SLC61A1: variants seen among roughly 807,000 people sequenced by gnomAD.
SLC61A1 encodes the protein solute carrier family 61 member 1, also known as major facilitator superfamily domain containing 5.
chr12:53,252,940 T>C, the SLC61A1 span: 1 of 1,614,182 alleles, frequency 6.2e-7, no homozygotes. Flanking sequence ...CCTGCAGCAA[T>C]CCCTCCTTCC....
chr12:53,252,868 C>T, the SLC61A1 span: 1 of 1,614,100 alleles, frequency 6.2e-7, no homozygotes. Context: ...CTTTTGTAGG[C>T]CTCCTGGCCT....
chr12:53,252,486 A>G, the SLC61A1 span: 2 of 1,305,610 alleles, frequency 1.5e-6, no homozygotes, highest in Non-Finnish European at 1.9e-6. Flanking sequence ...GACGGGAGGT[A>G]ATAGAAGGAA....
At chr12:53,252,458 A>G in the SLC61A1 span, 1 of 1,286,818 alleles carries the variant, frequency 7.8e-7, no homozygotes, top group Non-Finnish European at 9.9e-7. Context: ...TGAGGGCAAA[A>G]AGAGGCTCCG....
At chr12:53,252,689 C>T in the SLC61A1 span, 3 of 1,274,744 alleles carry the variant, frequency 2.4e-6, no homozygotes, top group African/African-American at 3.0e-5. Flanking sequence ...CAACTGGTCC[C>T]TCCGGTCTGA....
At chr12:53,252,382 T>G in the SLC61A1 span, 1 of 1,312,922 alleles carries the variant, frequency 7.6e-7, no homozygotes, top group Non-Finnish European at 9.7e-7. Context: ...TGCACACGCA[T>G]GACCCTGAAG....
the SLC61A1 span, chr12:53,252,996 C>A: frequency 6.2e-7 from 1 of 1,614,236 alleles, no homozygotes. Flanking sequence ...CTGGCCCTGG[C>A]AGCTGATTGG....
the SLC61A1 span, chr12:53,251,629 G>A: frequency 8.1e-7 from 1 of 1,232,988 alleles, no homozygotes; most frequent in Non-Finnish European, 1.1e-6. Context: ...CAGCTGGTAA[G>A]TGACAGGGGC....
At chr12:53,252,167 C>G in the SLC61A1 span, 18 of 1,430,654 alleles carry the variant, frequency 1.3e-5, no homozygotes, top group Non-Finnish European at 1.6e-5. Flanking sequence ...GGGGCGGGAG[C>G]GCTGCTGGAA....
At chr12:53,252,104 A>G in the SLC61A1 span, 1 of 1,451,702 alleles carries the variant, frequency 6.9e-7, no homozygotes, top group Non-Finnish European at 9.0e-7. Context: ...CACGTGATGA[A>G]GCCATCATGG....
chr12:53,253,824 CTT>C, the SLC61A1 span: 1 of 1,614,240 alleles, frequency 6.2e-7, no homozygotes, highest in Non-Finnish European at 8.5e-7. Flanking sequence ...TTCATGTTGA[CTT>C]TCTCTACCAG....
chr12:53,253,916 A>G, the SLC61A1 span: 3 of 1,614,214 alleles, frequency 1.9e-6, no homozygotes, highest in Non-Finnish European at 1.7e-6. Context: ...CTTTCCCAGC[A>G]TGAGCTTCCT....
the SLC61A1 span, chr12:53,253,126 C>G: frequency 2.4e-5 from 38 of 1,614,140 alleles, 2 homozygotes; most frequent in South Asian, 3.8e-4. Flanking sequence ...TGGCCTCCTC[C>G]CTTGTGGATT....
chr12:53,251,959 G>A, the SLC61A1 span: 1 of 1,536,956 alleles, frequency 6.5e-7, no homozygotes, highest in South Asian at 1.2e-5. Flanking sequence ...AGCGAGGCCA[G>A]GCCAGGAGAA....
chr12:53,251,199 G>C, the SLC61A1 span: 2 of 154,162 alleles, frequency 1.3e-5, no homozygotes, highest in African/African-American at 4.8e-5. Flanking sequence ...AGGAGGTGGG[G>C]GGGGGAACCA....
At chr12:53,254,304 T>G in the SLC61A1 span, 2 of 1,319,388 alleles carry the variant, frequency 1.5e-6, no homozygotes, top group Admixed American at 5.0e-5. Flanking sequence ...TGCCATTGCT[T>G]TGTGTTTGGG....
At chr12:53,253,248 G>A in the SLC61A1 span, 1 of 1,614,240 alleles carries the variant, frequency 6.2e-7, no homozygotes, top group South Asian at 1.1e-5. Flanking sequence ...GCACTTGGTG[G>A]GCTGTCCACA....
the SLC61A1 span, chr12:53,252,073 G>T: frequency 4.0e-5 from 59 of 1,465,344 alleles, no homozygotes; most frequent in Non-Finnish European, 5.3e-5. Flanking sequence ...GCGGGGCGGG[G>T]TTTTGGCGCC....
the SLC61A1 span, chr12:53,252,676 A>C: frequency 8.2e-7 from 1 of 1,212,304 alleles, no homozygotes; most frequent in East Asian, 2.6e-5. Context: ...CCTCCCACCC[A>C]CCCAACTGGT....
the SLC61A1 span, chr12:53,254,173 T>G: frequency 1.2e-6 from 2 of 1,613,870 alleles, no homozygotes; most frequent in South Asian, 2.2e-5. Context: ...AGGAGCCCTA[T>G]GCCCCTGAGC....
Sources: gnomAD v4.1 joint callset for allele counts on GRCh38, gnomAD v4.1.1 for gene constraint, MANE v1.5 for transcripts, NCBI Gene and HGNC (gene_info 2026-07-23, HGNC 2026-07-21) for gene names.